Variants in CTNNA2 observed in about 807,000 individuals in gnomAD.
CTNNA2 encodes the protein catenin alpha-2.
Under a neutral mutation model 101.0 loss-of-function variants are expected in CTNNA2, and 42 were observed. That is an observed-to-expected ratio of 0.42 (90% CI 0.32 to 0.54). The LOEUF (loss-of-function observed/expected upper bound fraction) is 0.54, where lower values mean the gene tolerates loss of function less well. CTNNA2 is among the 20% of genes least tolerant of loss of function. CTNNA2 has a pLI of 0.14. For missense variants in CTNNA2, 871 were observed against 1,223.1 expected, an observed-to-expected ratio of 0.71 and a Z score of 4.29; for synonymous variants, 450 against 456.4, an observed-to-expected ratio of 0.99 and a Z score of 0.18.
intron 1 of CTNNA2, chr2:79,649,249 A>G (rs1402698479): frequency 6.5e-6 from 1 of 154,726 alleles, no homozygotes; most frequent in Non-Finnish European, 1.5e-5. Flanking sequence ...TCCTTGATCT[A>G]TCAGCGTATG....
chr2:79,455,844 A>G (rs919790937), intron 4 of CTNNA2, among the ~76,000 whole-genome samples: 4 of 152,182 alleles, frequency 2.6e-5, no homozygotes, highest in African/African-American at 9.7e-5. Context: ...TCACTACTGA[A>G]CTTTGAAATT....
At chr2:79,417,235 T>C (rs1044728791) in intron 4 of CTNNA2, among the ~76,000 whole-genome samples, 6 of 152,096 alleles carry the variant, frequency 3.9e-5, no homozygotes, top group Non-Finnish European at 5.9e-5. Context: ...TGGTACTAAA[T>C]TTCCAAATAA....
chr2:79,596,759 G>A (rs1677216429), intron 1 of CTNNA2, among the ~76,000 whole-genome samples: 1 of 152,190 alleles, frequency 6.6e-6, no homozygotes, highest in Non-Finnish European at 1.5e-5. Context: ...CTGAGACCAA[G>A]CTGTATTCTC....
At chr2:80,399,425 T>C (rs1369914214) in intron 8 of CTNNA2, among the ~76,000 whole-genome samples, 1 of 152,196 alleles carries the variant, frequency 6.6e-6, no homozygotes, top group African/African-American at 2.4e-5. Context: ...ATATGGTTGA[T>C]TGTTCACACA....
At chr2:80,178,704 T>C (rs1558877977) in intron 7 of CTNNA2, among the ~76,000 whole-genome samples, 1 of 152,118 alleles carries the variant, frequency 6.6e-6, no homozygotes, top group African/African-American at 2.4e-5. Context: ...ATGTGTTGCC[T>C]CCAAAATCCA....
chr2:80,490,281 C>CCG (rs1491163222), intron 9 of CTNNA2, among the ~76,000 whole-genome samples: 4 of 33,594 alleles, frequency 1.2e-4, no homozygotes, highest in African/African-American at 9.0e-4. Context: ...TCCCCCCCCA[C>CCG]CCCCCCCCCG....
At chr2:79,708,661 T>C (rs1685543798) in intron 2 of CTNNA2, among the ~76,000 whole-genome samples, 1 of 149,332 alleles carries the variant, frequency 6.7e-6, no homozygotes, top group Non-Finnish European at 1.5e-5. Flanking sequence ...ACTGTAATTT[T>C]TATAAGGATA....
intron 1 of CTNNA2, among the ~76,000 whole-genome samples, chr2:79,573,388 C>T (rs892987175): frequency 3.3e-5 from 5 of 152,168 alleles, no homozygotes; most frequent in Non-Finnish European, 5.9e-5. Context: ...CCTGTATTGT[C>T]ACTGCAGGAG....
intron 9 of CTNNA2, among the ~76,000 whole-genome samples, chr2:80,533,146 A>AT (rs1179381743): frequency 6.6e-6 from 1 of 152,210 alleles, no homozygotes; most frequent in Non-Finnish European, 1.5e-5. Context: ...CTCCATCCAT[A>AT]TAATAAATAA....
chr2:80,639,969 G>A (rs892361947), intron 18 of CTNNA2, among the ~76,000 whole-genome samples: 18 of 152,150 alleles, frequency 1.2e-4, no homozygotes, highest in African/African-American at 4.1e-4. Flanking sequence ...AGGCGTGGTG[G>A]CACACATCTG....
chr2:80,402,004 A>G (rs1678593521), intron 8 of CTNNA2, among the ~76,000 whole-genome samples: 1 of 152,234 alleles, frequency 6.6e-6, no homozygotes, highest in South Asian at 2.1e-4. Flanking sequence ...CTTCTACTTC[A>G]GATGCCAGTT....
intron 2 of CTNNA2, among the ~76,000 whole-genome samples, chr2:79,726,868 A>C (rs554156757): frequency 6.6e-6 from 1 of 152,206 alleles, no homozygotes; most frequent in Non-Finnish European, 1.5e-5. Context: ...TTCAGACTAC[A>C]TATTAGGTTT....
chr2:79,270,343 T>A (rs1174923226), intron 2 of CTNNA2, among the ~76,000 whole-genome samples: 2 of 152,096 alleles, frequency 1.3e-5, no homozygotes, highest in South Asian at 2.1e-4. Context: ...CTCTTTTTGG[T>A]CCTTTTTTTT....
intron 2 of CTNNA2, among the ~76,000 whole-genome samples, chr2:79,312,530 T>A (rs1209502318): frequency 6.6e-6 from 1 of 152,208 alleles, no homozygotes; most frequent in African/African-American, 2.4e-5. Flanking sequence ...AGATTGTGTT[T>A]AAATGCAAAA....
intron 7 of CTNNA2, among the ~76,000 whole-genome samples, chr2:80,360,259 AAC>A (rs1400599106): frequency 1.3e-5 from 2 of 152,170 alleles, no homozygotes; most frequent in Admixed American, 6.6e-5. Flanking sequence ...TATGATAAGT[AAC>A]ACACAACTGA....
chr2:80,392,521 C>A (rs2149365956), intron 7 of CTNNA2, among the ~76,000 whole-genome samples: 1 of 151,896 alleles, frequency 6.6e-6, no homozygotes, highest in African/African-American at 2.4e-5. Context: ...GGAGAAAAAG[C>A]AAAGAAATAG....
chr2:80,487,667 G>A (rs1364087041), intron 9 of CTNNA2, among the ~76,000 whole-genome samples: 1 of 152,120 alleles, frequency 6.6e-6, no homozygotes, highest in African/African-American at 2.4e-5. Flanking sequence ...ACAGTTCAAG[G>A]TGAGATTTCA....
intron 7 of CTNNA2, 102 bp downstream of exon 7, chr2:79,909,899 T>G (rs1285831068): frequency 4.1e-6 from 5 of 1,221,676 alleles, no homozygotes; most frequent in Non-Finnish European, 5.6e-6. Flanking sequence ...ACAGACCAGG[T>G]GTTTACCAAA....
intron 6 of CTNNA2, among the ~76,000 whole-genome samples, chr2:79,906,268 C>T (rs921883734): frequency 6.6e-6 from 1 of 151,914 alleles, no homozygotes; most frequent in Non-Finnish European, 1.5e-5. Context: ...CACATACACA[C>T]AACCAGTGCC....
Sources: gnomAD v4.1 joint callset for allele counts (sites outside exome capture counted in the v4.1 genomes callset) on GRCh38, gnomAD v4.1.1 for gene constraint, MANE v1.5 for transcripts, NCBI Gene and HGNC (gene_info 2026-07-23, HGNC 2026-07-21) for gene names.